Variants in INF2 observed in about 807,000 individuals in gnomAD.
The protein encoded by INF2 is inverted formin 2.
INF2 carries 43 observed loss-of-function variants against 123.5 expected under a neutral mutation model. The observed-to-expected ratio is 0.35, with a 90% CI of 0.27 to 0.45. The LOEUF is 0.45. Ranked by LOEUF, INF2 falls within the 20% of genes least tolerant of loss-of-function variation. The pLI, the probability that INF2 is intolerant of heterozygous loss-of-function variation, is 1.00. For missense variants in INF2, 1,453 were observed against 1,682.7 expected, an observed-to-expected ratio of 0.86 and a Z score of 2.39; for synonymous variants, 851 against 745.0, an observed-to-expected ratio of 1.14 and a Z score of -2.32.
In INF2 at chr14:104,684,252, T is replaced by C; in HGVS notation, c.-104+2670T>C. ...GGCTGGGGAGGGACAGCTCGAGGGC[T>C]CACTGGAGGTCAGCAGGGAGGTGGA... On this transcript the variant is annotated intron_variant, in intron 1 of 2. Coordinates refer to the INF2 transcript ENST00000674723. This position sits in a 1 kb window ranked among gnomAD's most constrained non-coding sequence, Gnocchi z 5.0. 1 of 412,724 alleles carries C rather than the reference T, an allele frequency of 2.4e-6. No individual in the cohort carries two copies. The highest frequency in any genetic ancestry group is 4.9e-6 in the Non-Finnish European group (1 of 203,842). The allele number at this position is 412,724 out of a possible 1,614,324, so 25.6% of individuals were successfully genotyped here.
chr14:104,707,241 C>G lies in INF2; in HGVS notation c.986-12C>G. 1 of 1,603,970 alleles carries G rather than the reference C, an allele frequency of 6.2e-7. No homozygotes were observed. Among genetic ancestry groups the G allele is most frequent in the South Asian group, 1.1e-5 (1 of 89,678 alleles). ...TCCCTTCTCCCTTGACCCTGGACAT[C>G]CCCTACTGCAGCCCAGGAATGCACC... On this transcript the variant is annotated splice_polypyrimidine_tract_variant and intron_variant, in intron 7 of 22. Coordinates refer to ENST00000392634, the MANE Select transcript of INF2 (RefSeq NM_022489.4).
intron 1 of INF2, among the ~76,000 whole-genome samples, chr14:104,692,385 C>T (rs1888996266): frequency 2.0e-5 from 3 of 152,232 alleles, no homozygotes; most frequent in Non-Finnish European, 2.9e-5. Context: ...AGCCCAGCCC[C>T]GCTCAGCACG....
At chr14:104,707,082 G>A in intron 7 of INF2, 31 bp downstream of exon 7, 4 of 1,557,598 alleles carry the variant, frequency 2.6e-6, no homozygotes, top group Non-Finnish European at 3.5e-6. Context: ...CGTAGGCACA[G>A]CCTGGTGGGC....
Position 104,707,678 on chromosome 14 carries a change from C to G in INF2, c.1411C>G (p.Pro471Ala). The change falls in exon 8 of 23, where the codon CCC (proline) becomes GCC (alanine). Residue 471 changes from proline (P) to alanine (A), a missense_variant. Physicochemically the swap from Pro to Ala is conservative, Grantham distance 27. This residue lies in a region of INF2 where 374 missense variants were observed against 303.7 expected (regional missense o/e 1.23). Coordinates refer to ENST00000392634, the MANE Select transcript of INF2 (RefSeq NM_022489.4). ...PPLPGLGAMA[P>A]PAPPLPPPLP... ...CCTGCCAGGCCTGGGGGCCATGGCCCCCCCAGCACCTCCTCTACCACCACC... is the reference window on the plus strand; with the variant it reads ...CCTGCCAGGCCTGGGGGCCATGGCCGCCCCAGCACCTCCTCTACCACCACC... The G allele has an allele frequency of 1.0e-6, 1 of 973,154 alleles. No individual in the cohort carries two copies. The highest frequency in any genetic ancestry group is 1.5e-6 in the Non-Finnish European group (1 of 649,786). 60.3% of individuals were successfully genotyped at this position (973,154 alleles called of 1,614,324 possible).
intron 10 of INF2, 26 bp downstream of exon 10, chr14:104,708,758 C>T (rs776589092): frequency 6.2e-7 from 1 of 1,611,042 alleles, no homozygotes. Flanking sequence ...AGCCCCCATC[C>T]CAGGCCACGG....
Position 104,721,747 on chromosome 14 carries a change from G to T in INF2, c.*2954G>T, listed in dbSNP as rs1346555306. ...TCCTGCCTGGAGAGGTGGGACTGGGGACCCTGTGACAGGAGGAGCTGCCCT... is the reference window on the plus strand; with the variant it reads ...TCCTGCCTGGAGAGGTGGGACTGGGTACCCTGTGACAGGAGGAGCTGCCCT... On this transcript the variant is annotated 3_prime_UTR_variant, in exon 23 of 23. Transcript: ENST00000392634. The T allele has an allele frequency of 2.0e-5, 3 of 152,302 alleles. No individual in the cohort carries two copies. The highest frequency in any genetic ancestry group is 6.5e-5 in the Admixed American group (1 of 15,286). 9.4% of individuals were successfully genotyped at this position (152,302 alleles called of 1,614,324 possible).
chr14:104,716,564 C>G (rs1326146249), intron 22 of INF2, among the ~76,000 whole-genome samples: 1 of 152,240 alleles, frequency 6.6e-6, no homozygotes, highest in Non-Finnish European at 1.5e-5. Flanking sequence ...GTGTCCAGTG[C>G]CAGCTCCACG....
At position 104,707,849 on chromosome 14, in the gene INF2, C is replaced by G. The variant is rs181694819; in HGVS notation, c.1582C>G (p.Pro528Ala). The change falls in exon 8 of 23, where the codon CCC (proline) becomes GCC (alanine). Residue 528 changes from proline (P) to alanine (A), a missense_variant. Coordinates refer to ENST00000392634, the MANE Select transcript of INF2 (RefSeq NM_022489.4). The stretch of plus-strand genomic sequence containing the variant: ...TCCACTACTGCCCTGCACCTGCAGC[C>G]CCCCCGTGGCGGGAGGCATGGAGGA... ...PPPLLPCTCSPPVAGGMEEVI... is the reference protein window; with the variant it reads ...PPPLLPCTCSAPVAGGMEEVI... 139 of 1,604,592 alleles carry G rather than the reference C, an allele frequency of 8.7e-5. No homozygotes were observed. The highest frequency in any genetic ancestry group is 1.6e-4 in the Middle Eastern group (1 of 6,064).
intron 22 of INF2, chr14:104,715,695 G>A (rs1248959981): frequency 3.7e-6 from 2 of 542,274 alleles, no homozygotes; most frequent in Non-Finnish European, 7.0e-6. Context: ...AGGACAGGCT[G>A]AGGTTGCTCC....
rs1890564505 is a variant in INF2 at position 104,721,823 on chromosome 14, T to C, written c.*3030T>C. 1 of 152,264 alleles carries C rather than the reference T, an allele frequency of 6.6e-6. No homozygotes were observed. Among genetic ancestry groups the C allele is most frequent in the African/African-American group, 2.4e-5 (1 of 41,440 alleles). 9.4% of individuals were successfully genotyped at this position (152,264 alleles called of 1,614,324 possible). On this transcript the variant is annotated 3_prime_UTR_variant, in exon 23 of 23. Coordinates refer to ENST00000392634, the MANE Select transcript of INF2 (RefSeq NM_022489.4). ...CTCTGTGCTCCATGAGAAGTCAGTT[T>C]AGTGGGCTACAGCCAGCAAAGGAAC...
intron 20 of INF2, 34 bp from the exon 21 acceptor site, chr14:104,714,169 T>C (rs1035440834): frequency 1.0e-5 from 15 of 1,460,474 alleles, no homozygotes; most frequent in Non-Finnish European, 1.4e-5. Context: ...GGGGGCAGGG[T>C]GCCTGCCCTT....
upstream of INF2, chr14:104,689,594 GCCC>G: frequency 8.0e-6 from 2 of 251,138 alleles, no homozygotes; most frequent in Non-Finnish European, 1.1e-5. Flanking sequence ...TCTTCCTCCC[GCCC>G]GCCCCGCCCG....
chr14:104,716,793 T>A (rs1444233281), intron 22 of INF2, among the ~76,000 whole-genome samples: 1 of 152,172 alleles, frequency 6.6e-6, no homozygotes, highest in African/African-American at 2.4e-5. Flanking sequence ...CAGGTTCAAG[T>A]GATTCTCCTG....
chr14:104,684,073 C>G lies in INF2; in HGVS notation c.-104+2491C>G. The G allele has an allele frequency of 2.2e-6, 1 of 456,054 alleles. No homozygotes were observed. The highest frequency in any genetic ancestry group is 4.4e-6 in the Non-Finnish European group (1 of 226,766). 28.3% of individuals were successfully genotyped at this position (456,054 alleles called of 1,614,324 possible). A position where few individuals can be genotyped will look rare whatever the true frequency, so the allele number is the denominator to read the frequency against. On this transcript the variant is annotated intron_variant, in intron 1 of 2. Coordinates refer to the INF2 transcript ENST00000674723. The surrounding 1 kb of genome is among the most constrained non-coding windows in gnomAD (Gnocchi z 5.0). ...TTCTCACCTCGTTAGGTGGAGAACC[C>G]CTTCTTTAAGCAAAAGATGGCACGG...
rs1889383955 is a variant in INF2, at chr14:104,699,774, G to A, written c.-9-1583G>A. On this transcript the variant is annotated intron_variant, in intron 1 of 22. Transcript: ENST00000392634. The surrounding 1 kb of genome is among the most constrained non-coding windows in gnomAD (Gnocchi z 4.7). ...AGGATGCTCCTGGCAGCCTGGTGCTGGAGGTGCAGAAGAAGAAACTGAGGC... is the reference window on the plus strand; with the variant it reads ...AGGATGCTCCTGGCAGCCTGGTGCTAGAGGTGCAGAAGAAGAAACTGAGGC... 6.6e-6 allele frequency among the ~76,000 whole-genome samples: 1 copy of A among 152,162 alleles called. No individual in the cohort carries two copies. Among genetic ancestry groups the A allele is most frequent in the Non-Finnish European group, 1.5e-5 (1 of 68,008 alleles).
chr14:104,690,992 GGGCCCTGCCCA>G (rs147422588), intron 1 of INF2, among the ~76,000 whole-genome samples: 2,796 of 152,134 alleles, frequency 0.018, 84 homozygotes, highest in African/African-American at 0.064. Flanking sequence ...TTGGTGCAGT[GGGCCCTGCCCA>G]GGCCCTGCCC....
chr14:104,705,184 A>G (rs1221860735), intron 5 of INF2, among the ~76,000 whole-genome samples: 1 of 152,240 alleles, frequency 6.6e-6, no homozygotes, highest in African/African-American at 2.4e-5. Flanking sequence ...TGGGAGGCCA[A>G]GATGGGCAGA....
chr14:104,684,143 A>G lies in INF2; in HGVS notation c.-104+2561A>G, dbSNP rs946581305. On this transcript the variant is annotated intron_variant, in intron 1 of 2. Coordinates refer to the INF2 transcript ENST00000674723. The surrounding 1 kb of genome is among the most constrained non-coding windows in gnomAD (Gnocchi z 5.0). The stretch of plus-strand genomic sequence containing the variant: ...TCAAAGCTGAGCGGCTCTCCCCATC[A>G]TGCAAGTAACCTGCGTGCCGCCACG... 2 of 455,884 alleles carry G rather than the reference A, an allele frequency of 4.4e-6. No individual in the cohort carries two copies. Among genetic ancestry groups the G allele is most frequent in the Non-Finnish European group, 8.8e-6 (2 of 226,668 alleles). The allele number at this position is 455,884 out of a possible 1,614,324, so 28.2% of individuals were successfully genotyped here.
intron 22 of INF2, 75 bp downstream of exon 22, chr14:104,715,415 C>T (rs776237805): frequency 1.5e-6 from 2 of 1,343,096 alleles, no homozygotes; most frequent in Admixed American, 3.4e-5. Flanking sequence ...GCTGCCCACA[C>T]CCCTCCGGGA....
Sources: gnomAD v4.1 joint callset for allele counts (sites outside exome capture counted in the v4.1 genomes callset) on GRCh38, gnomAD v4.1.1 for gene constraint, gnomAD v4.1.1 regional missense constraint, Gnocchi (gnomAD v3.1) non-coding constraint, MANE v1.5 for transcripts, NCBI Gene and HGNC (gene_info 2026-07-23, HGNC 2026-07-21) for gene names.